The following TTLL11 variants were observed in gnomAD, a reference collection of about 807,000 sequenced individuals.
TTLL11 encodes the protein tubulin tyrosine ligase like 11, also known as tubulin polyglutamylase TTLL11.
In TTLL11, 42 loss-of-function variants were observed where a neutral mutation model predicts 51.7. That is an observed-to-expected ratio of 0.81 (90% CI 0.64 to 1.05). The LOEUF is 1.05. Among genes scored for constraint, TTLL11 ranks in the 50% least tolerant of loss-of-function variants. The pLI is 0.00. For synonymous variants in TTLL11, 381 were observed against 383.5 expected (o/e 0.99, Z 0.08); for missense variants, 799 against 940.4 (o/e 0.85, Z 1.97).
At chr9:122,078,623 T>C (rs1045079217) in intron 1 of TTLL11, among the ~76,000 whole-genome samples, 1 of 152,248 alleles carries the variant, frequency 6.6e-6, no homozygotes, top group Non-Finnish European at 1.5e-5. Flanking sequence ...GAGTCTTCAT[T>C]ATGTACTTGG....
At chr9:121,984,435 A>G (rs955839235) in intron 4 of TTLL11, among the ~76,000 whole-genome samples, 1 of 152,176 alleles carries the variant, frequency 6.6e-6, no homozygotes, top group Non-Finnish European at 1.5e-5. Flanking sequence ...TGTGCTTACA[A>G]TAATTCTGAG....
chr9:121,833,326 A>T (rs1837081516), intron 8 of TTLL11, among the ~76,000 whole-genome samples: 1 of 152,166 alleles, frequency 6.6e-6, no homozygotes, highest in African/African-American at 2.4e-5. Context: ...TTCTGTCAAT[A>T]GGCTGGGTGA....
intron 1 of TTLL11, among the ~76,000 whole-genome samples, chr9:122,079,109 A>G (rs1384312326): frequency 6.6e-6 from 1 of 152,126 alleles, no homozygotes; most frequent in Non-Finnish European, 1.5e-5. Context: ...GGTATATATC[A>G]GGAGAGAACT....
chr9:121,943,390 G>T (rs1841562257), intron 6 of TTLL11, among the ~76,000 whole-genome samples: 1 of 152,154 alleles, frequency 6.6e-6, no homozygotes. Flanking sequence ...ACTGAAATAA[G>T]ATCTATGTGG....
chr9:121,921,731 A>T (rs527548031), intron 6 of TTLL11, among the ~76,000 whole-genome samples: 8 of 152,296 alleles, frequency 5.3e-5, no homozygotes, highest in African/African-American at 1.7e-4. Context: ...GGAGCAGGGG[A>T]TTGAAAATAG....
At chr9:121,924,829 T>C (rs1840666590) in intron 6 of TTLL11, among the ~76,000 whole-genome samples, 1 of 152,060 alleles carries the variant, frequency 6.6e-6, no homozygotes, top group South Asian at 2.1e-4. Flanking sequence ...CTAAAATTCG[T>C]TCTGGAGATT....
chr9:122,071,243 T>G (rs1391105745), intron 1 of TTLL11, among the ~76,000 whole-genome samples: 1 of 152,216 alleles, frequency 6.6e-6, no homozygotes, highest in Non-Finnish European at 1.5e-5. Flanking sequence ...CTCTGTGTTT[T>G]CCTCCTCGGT....
intron 6 of TTLL11, among the ~76,000 whole-genome samples, chr9:121,970,976 A>T (rs1411292447): frequency 2.6e-5 from 4 of 152,148 alleles, no homozygotes; most frequent in African/African-American, 4.8e-5. Flanking sequence ...TAGACTGGAT[A>T]AAGAAAATGT....
chr9:121,883,932 T>C (rs113005017), intron 6 of TTLL11, among the ~76,000 whole-genome samples: 16 of 152,304 alleles, frequency 1.1e-4, no homozygotes, highest in African/African-American at 3.4e-4. Flanking sequence ...CTGACTGACC[T>C]TGGGGAAGGT....
intron 6 of TTLL11, among the ~76,000 whole-genome samples, chr9:121,899,688 G>A (rs1839698894): frequency 6.6e-6 from 1 of 152,008 alleles, no homozygotes; most frequent in Non-Finnish European, 1.5e-5. Context: ...ACAAGCATGA[G>A]ATACCTTGCC....
intron 8 of TTLL11, among the ~76,000 whole-genome samples, chr9:121,833,954 T>C (rs1837103622): frequency 6.6e-6 from 1 of 152,152 alleles, no homozygotes; most frequent in East Asian, 1.9e-4. Flanking sequence ...AGTCTTTAAA[T>C]CTCCTTCTTA....
intron 1 of TTLL11, among the ~76,000 whole-genome samples, chr9:122,051,969 G>A (rs1342869471): frequency 1.3e-5 from 2 of 151,998 alleles, no homozygotes; most frequent in Non-Finnish European, 1.5e-5. Context: ...GTCCAGAAGA[G>A]GCCAATTAAG....
intron 8 of TTLL11, among the ~76,000 whole-genome samples, chr9:121,837,036 C>T (rs769854402): frequency 6.6e-6 from 1 of 152,176 alleles, no homozygotes; most frequent in Non-Finnish European, 1.5e-5. Context: ...TTATAGCTAC[C>T]GTACTGCACT....
chr9:122,061,192 C>T (rs1845424498), intron 1 of TTLL11, among the ~76,000 whole-genome samples: 1 of 152,180 alleles, frequency 6.6e-6, no homozygotes, highest in Non-Finnish European at 1.5e-5. Context: ...CTTATAAAGA[C>T]ACTTGTCATT....
chr9:121,847,964 G>A (rs1043812307), intron 8 of TTLL11, among the ~76,000 whole-genome samples: 1 of 152,126 alleles, frequency 6.6e-6, no homozygotes, highest in African/African-American at 2.4e-5. Context: ...ACTTTAAGAG[G>A]CCAAAGTAGG....
intron 1 of TTLL11, among the ~76,000 whole-genome samples, chr9:122,077,833 C>CAAA (rs11286316): frequency 2.0e-5 from 2 of 99,194 alleles, no homozygotes; most frequent in African/African-American, 3.4e-5. Flanking sequence ...CAAAAACCTG[C>CAAA]AAAAAAAAAA....
intron 8 of TTLL11, among the ~76,000 whole-genome samples, chr9:121,849,094 G>A (rs1302161774): frequency 1.3e-5 from 2 of 152,242 alleles, no homozygotes; most frequent in Non-Finnish European, 2.9e-5. Flanking sequence ...GTAGGCCCCT[G>A]TGAATATAGT....
At position 121,826,217 on chromosome 9, in the gene TTLL11, T is replaced by TATACAC. The variant is rs1491163835; in HGVS notation, c.1841-3339_1841-3338insGTGTAT. Among the ~76,000 whole-genome samples the TATACAC allele has an allele frequency of 3.8e-3, 219 of 58,074 alleles. 6 individuals are homozygous for TATACAC. The highest frequency in any genetic ancestry group is 0.011 in the African/African-American group (152 of 13,454). 38.1% of individuals were successfully genotyped at this position (58,074 alleles called of 152,430 possible). On this transcript the variant is annotated intron_variant, in intron 8 of 8. Coordinates refer to ENST00000321582, the MANE Select transcript of TTLL11 (RefSeq NM_001139442.2). ...ATATATATATATATATATATATATA[T>TATACAC]GCACACATATATATATACACGCACA...
At chr9:121,963,596 G>C (rs1842306492) in intron 6 of TTLL11, 1 of 152,198 alleles carries the variant, frequency 6.6e-6, no homozygotes. Flanking sequence ...GCAAGAGGGA[G>C]AGCATGCCTA....
Sources: gnomAD v4.1 joint callset for allele counts (sites outside exome capture counted in the v4.1 genomes callset) on GRCh38, gnomAD v4.1.1 for gene constraint, MANE v1.5 for transcripts, NCBI Gene and HGNC (gene_info 2026-07-23, HGNC 2026-07-21) for gene names.